The following BDH1 variants were observed in gnomAD, a reference collection of about 807,000 sequenced individuals.
BDH1 encodes 3-hydroxybutyrate dehydrogenase 1.
Under a neutral mutation model 33.1 loss-of-function variants are expected in BDH1, and 30 were observed. The observed-to-expected ratio is 0.91, with a 90% CI of 0.68 to 1.23. BDH1 has a LOEUF of 1.23. BDH1 is among the 50% of genes most tolerant of loss of function. BDH1 has a pLI of 0.00. For missense variants in BDH1, 443 were observed against 464.4 expected (o/e 0.95, Z 0.42); for synonymous variants, 190 against 183.6 (o/e 1.03, Z -0.28).
At chr3:197,572,571 G>A (rs767102440) in intron 1 of BDH1, among the ~76,000 whole-genome samples, 6 of 152,044 alleles carry the variant, frequency 3.9e-5, no homozygotes, top group Non-Finnish European at 7.4e-5. Context: ...TAAGCAGCCC[G>A]ACCCTCAGTT....
At chr3:197,567,485 G>A (rs1331572376) in intron 1 of BDH1, among the ~76,000 whole-genome samples, 1 of 152,140 alleles carries the variant, frequency 6.6e-6, no homozygotes, top group Non-Finnish European at 1.5e-5. Context: ...CCCCCTCCCT[G>A]TCCTGCTTTT....
intron 1 of BDH1, among the ~76,000 whole-genome samples, chr3:197,563,180 T>G (rs1717322541): frequency 6.6e-6 from 1 of 152,242 alleles, no homozygotes; most frequent in Non-Finnish European, 1.5e-5. Flanking sequence ...ATGATAGATG[T>G]CTATAATTTT....
chr3:197,510,674 A>AGTGTGTGTGTGTGTGTG lies in BDH1; in HGVS notation c.*1220_*1221insCACACACACACACACAC, dbSNP rs1560296787. ...TGTGTGTGTGTGTGTGTGTGTGTAC[A>AGTGTGTGTGTGTGTGTG]TGTGTGTAAGGTGTGTGTGTGTGTG... On this transcript the variant is annotated 3_prime_UTR_variant, in exon 8 of 8. Transcript: ENST00000392379. 3 of 37,296 alleles carry AGTGTGTGTGTGTGTGTG rather than the reference A, an allele frequency of 8.0e-5. No individual in the cohort carries two copies. Among genetic ancestry groups the AGTGTGTGTGTGTGTGTG allele is most frequent in the East Asian group, 9.5e-4 (1 of 1,056 alleles). The allele number at this position is 37,296 out of a possible 1,614,324, so 2.3% of individuals were successfully genotyped here.
In BDH1 at chr3:197,525,809, C is replaced by T. The variant is rs920226112; in HGVS notation, c.268-3028G>A. On this transcript the variant is annotated intron_variant, in intron 5 of 7. Transcript: ENST00000392379. The surrounding 1 kb of genome is among the most constrained non-coding windows in gnomAD (Gnocchi z 4.9). ...ACCTGTCCTCAGGCCAAGACTGCCC[C>T]GCAGGCCACACCACCTCCCTGGACC... Among the ~76,000 whole-genome samples the T allele has an allele frequency of 8.5e-5, 13 of 152,204 alleles. No individual in the cohort carries two copies. The highest frequency in any genetic ancestry group is 3.1e-4 in the African/African-American group (13 of 41,446).
At chr3:197,542,544 A>T (rs1474711356) in intron 3 of BDH1, among the ~76,000 whole-genome samples, 1 of 54,054 alleles carries the variant, frequency 1.8e-5, no homozygotes, top group Admixed American at 1.8e-4. Context: ...TTTTTTTGAG[A>T]CGGAGTTTTG....
Position 197,528,022 on chromosome 3 carries a change from C to G in BDH1, c.267+4390G>C, listed in dbSNP as rs1056745775. ...AGCAATTTACTTATCTTATTCCTTG[C>G]CTATCATCCCCCCTTGGAATATAAG... is the stretch of plus-strand genomic sequence containing the variant. On this transcript the variant is annotated intron_variant, in intron 5 of 7. Transcript: ENST00000392379. This position sits in a 1 kb window ranked among gnomAD's most constrained non-coding sequence, Gnocchi z 5.1. 6.6e-6 allele frequency among the ~76,000 whole-genome samples: 1 copy of G among 152,218 alleles called. No individual in the cohort carries two copies. Among genetic ancestry groups the G allele is most frequent in the Non-Finnish European group, 1.5e-5 (1 of 68,036 alleles).
At chr3:197,572,015 A>T (rs1399412270) in intron 1 of BDH1, among the ~76,000 whole-genome samples, 5 of 152,242 alleles carry the variant, frequency 3.3e-5, no homozygotes, top group Non-Finnish European at 7.3e-5. Context: ...GTTAAATATT[A>T]AAAGCTGATA....
chr3:197,565,528 T>C (rs1465679818), intron 1 of BDH1, among the ~76,000 whole-genome samples: 1 of 152,220 alleles, frequency 6.6e-6, no homozygotes, highest in Non-Finnish European at 1.5e-5. Flanking sequence ...CTTTGTCAAA[T>C]ATGAAATGGT....
At position 197,512,117 on chromosome 3, in the gene BDH1, C is replaced by T. The variant is rs1712105874; in HGVS notation, c.810G>A (p.Lys270=). The T allele has an allele frequency of 6.2e-7, 1 of 1,614,094 alleles. No individual in the cohort carries two copies. The change falls in exon 8 of 8, where the codon AAG becomes AAA. Residue 270 remains lysine (K), a synonymous_variant. Coordinates refer to ENST00000392379, the MANE Select transcript of BDH1 (RefSeq NM_203314.3). ...CATCAAAGTACTTCTTGCCGTAGTC[C>T]TTGCGCACGACCTCAGGCAGCTCCT... is the stretch of plus-strand genomic sequence containing the variant. ...MWEELPEVVR[K]DYGKKYFDEK... is the part of the protein sequence containing the mutation.
In BDH1 at chr3:197,509,847, A is replaced by G. The variant is rs1711727015; in HGVS notation, c.*2048T>C. On this transcript the variant is annotated 3_prime_UTR_variant, in exon 8 of 8. Transcript: ENST00000392379. ...AATTCGCCCAACATGTAAAAGTGCA[A>G]TTCCGAAAGGATCCTGCTAGAACAA... 6.6e-6 allele frequency: 1 copy of G among 152,260 alleles called. No homozygotes were observed. Among genetic ancestry groups the G allele is most frequent in the Non-Finnish European group, 1.5e-5 (1 of 68,060 alleles). 9.4% of individuals were successfully genotyped at this position (152,260 alleles called of 1,614,324 possible).
intron 3 of BDH1, among the ~76,000 whole-genome samples, chr3:197,544,619 G>A (rs142209087): frequency 6.8e-4 from 103 of 152,190 alleles, no homozygotes; most frequent in African/African-American, 2.3e-3. Flanking sequence ...AGGGGCCTCC[G>A]CCGTCCCCGC....
rs908988875 is a variant in BDH1 at position 197,571,891 on chromosome 3, G to T, written c.-44+1290C>A. 2.6e-5 allele frequency among the ~76,000 whole-genome samples: 4 copies of T among 152,264 alleles called. No individual in the cohort carries two copies. The South Asian group carries it at 8.3e-4, about 32-fold the overall frequency. On this transcript the variant is annotated intron_variant, in intron 1 of 6. Coordinates refer to the BDH1 transcript ENST00000358186. ...CAGCCTAGGCAAACAGCAAGACCTT[G>T]TTTCTACAAAAATTTAAAAGTTAGC...
intron 1 of BDH1, among the ~76,000 whole-genome samples, chr3:197,572,690 T>C (rs974441249): frequency 2.6e-5 from 4 of 152,130 alleles, no homozygotes; most frequent in African/African-American, 9.7e-5. Context: ...TGAGGTATGA[T>C]TGTACCACTA....
chr3:197,529,508 G>A (rs1714448035), intron 5 of BDH1: 1 of 152,192 alleles, frequency 6.6e-6, no homozygotes, highest in Non-Finnish European at 1.5e-5. Flanking sequence ...AAGCATTTCA[G>A]ATAAGAGATA....
At chr3:197,563,791 G>A (rs1560347634) in intron 1 of BDH1, among the ~76,000 whole-genome samples, 2 of 151,964 alleles carry the variant, frequency 1.3e-5, no homozygotes, top group Admixed American at 6.6e-5. Context: ...AAGGAACCAG[G>A]AAAATAAAAG....
At chr3:197,529,615 T>C (rs1487826203) in intron 5 of BDH1, 1 of 152,232 alleles carries the variant, frequency 6.6e-6, no homozygotes, top group Non-Finnish European at 1.5e-5. Flanking sequence ...TTTTACATAA[T>C]ATACTTCTGT....
Position 197,522,658 on chromosome 3 carries a change from G to A in BDH1, c.391C>T (p.Leu131=), listed in dbSNP as rs750109585. Residue 131 remains leucine, a synonymous_variant, in exon 6 of 8, where the codon CTG becomes TTG. Coordinates refer to ENST00000392379, the MANE Select transcript of BDH1 (RefSeq NM_203314.3). This position sits in a 1 kb window ranked among gnomAD's most constrained non-coding sequence, Gnocchi z 4.8. ...GCCCTACCTTTCTCAGGGTCCTTCA[G>A]GCTCGAGCGGACAATCTCCACCACT... ...EKVVEIVRSS[L]KDPEKGMWGL... The A allele has an allele frequency of 6.2e-7, 1 of 1,614,164 alleles. No individual in the cohort carries two copies. The highest frequency in any genetic ancestry group is 1.7e-5 in the Admixed American group (1 of 60,026).
At position 197,522,054 on chromosome 3, in the gene BDH1, G is replaced by A. The variant is rs764193004; in HGVS notation, c.409+586C>T. On this transcript the variant is annotated intron_variant, in intron 6 of 7. Coordinates refer to ENST00000392379, the MANE Select transcript of BDH1 (RefSeq NM_203314.3). The surrounding 1 kb of genome is among the most constrained non-coding windows in gnomAD (Gnocchi z 4.8). The stretch of plus-strand genomic sequence containing the variant: ...GACCCATGACTCATATTGAGGTGCC[G>A]GCTAATCCCACCACTTGACCAACAG... 1.3e-5 allele frequency among the ~76,000 whole-genome samples: 2 copies of A among 152,188 alleles called. No homozygotes were observed. Among genetic ancestry groups the A allele is most frequent in the South Asian group, 2.1e-4 (1 of 4,814 alleles).
chr3:197,549,975 T>TTATTTTTA (rs1553875236), intron 2 of BDH1, among the ~76,000 whole-genome samples: 6,017 of 146,876 alleles, frequency 0.041, 246 homozygotes, highest in Non-Finnish European at 0.058. Flanking sequence ...CAAATAACTA[T>TTATTTTTA]TATATATATA....
Sources: allele counts gnomAD v4.1 joint callset (sites outside exome capture counted in the v4.1 genomes callset), GRCh38; gene constraint gnomAD v4.1.1; non-coding constraint Gnocchi (gnomAD v3.1); transcripts MANE v1.5; gene names NCBI Gene and HGNC (gene_info 2026-07-23, HGNC 2026-07-21).